Variants in PHF21A observed in about 807,000 individuals in gnomAD.
The protein encoded by PHF21A is PHD finger protein 21A, also known as BHC80a.
PHF21A carries 11 observed loss-of-function variants against 82.5 expected under a neutral mutation model. The observed-to-expected ratio is 0.13, with a 90% CI of 0.08 to 0.22. The LOEUF is 0.22. PHF21A is among the 10% of genes least tolerant of loss of function. PHF21A has a pLI of 1.00. For missense variants in PHF21A, 579 were observed against 837.8 expected, an observed-to-expected ratio of 0.69 and a Z score of 3.81; for synonymous variants, 297 against 302.8, an observed-to-expected ratio of 0.98 and a Z score of 0.20.
At chr11:46,116,284 T>C (rs2097288316) in intron 1 of PHF21A, among the ~76,000 whole-genome samples, 1 of 152,240 alleles carries the variant, frequency 6.6e-6, no homozygotes. Flanking sequence ...TATCCATATA[T>C]ACCTAATACT....
At chr11:46,061,011 T>C (rs1479931296) in intron 6 of PHF21A, among the ~76,000 whole-genome samples, 1 of 152,218 alleles carries the variant, frequency 6.6e-6, no homozygotes, top group Non-Finnish European at 1.5e-5. Flanking sequence ...GGCTACAGTT[T>C]TAATTTTCTG....
At chr11:45,950,153 G>T in intron 12 of PHF21A, 53 bp downstream of exon 12, 1 of 1,346,702 alleles carries the variant, frequency 7.4e-7, no homozygotes, top group Non-Finnish European at 1.0e-6. Flanking sequence ...TCATTTTCAG[G>T]AACAAAGCTG....
intron 6 of PHF21A, among the ~76,000 whole-genome samples, chr11:46,072,926 T>C (rs2096671206): frequency 3.3e-5 from 5 of 152,182 alleles, no homozygotes; most frequent in Admixed American, 3.3e-4. Flanking sequence ...CTAGAGCAAC[T>C]AAGTGCTTTG....
Position 45,934,061 on chromosome 11 carries a change from G to T in PHF21A, c.1953C>A (p.Thr651=), listed in dbSNP as rs750447716. Residue 651 remains threonine, a synonymous_variant, in exon 19 of 19, where the codon ACC becomes ACA. Transcript: ENST00000676320. ...VGAISNGPDC[T]PPANAATSTP... The stretch of plus-strand genomic sequence containing the variant: ...TGGAGGTGGCGGCATTGGCAGGGGG[G>T]GTGCAGTCCGGGCCATTGGAGATGG... The T allele has an allele frequency of 6.8e-6, 11 of 1,613,862 alleles. No homozygotes were observed. Among genetic ancestry groups the T allele is most frequent in the East Asian group, 2.2e-5 (1 of 44,874 alleles).
chr11:46,090,935 C>A (rs1299298754), intron 2 of PHF21A, among the ~76,000 whole-genome samples: 1 of 152,054 alleles, frequency 6.6e-6, no homozygotes, highest in Non-Finnish European at 1.5e-5. Context: ...AAATTTGCAA[C>A]CTCTGGTATA....
At chr11:46,050,274 C>T (rs1353207393) in intron 6 of PHF21A, among the ~76,000 whole-genome samples, 2 of 152,218 alleles carry the variant, frequency 1.3e-5, no homozygotes, top group African/African-American at 4.8e-5. Flanking sequence ...TTCCAGTGTC[C>T]TTGCTCACGG....
intron 6 of PHF21A, among the ~76,000 whole-genome samples, chr11:46,061,327 T>C (rs2139492998): frequency 6.6e-6 from 1 of 152,306 alleles, no homozygotes; most frequent in Non-Finnish European, 1.5e-5. Context: ...TTAAAATAGT[T>C]TTCTCTAGTT....
At chr11:46,007,052 T>C (rs190749414) in intron 6 of PHF21A, among the ~76,000 whole-genome samples, 47 of 152,332 alleles carry the variant, frequency 3.1e-4, no homozygotes, top group Non-Finnish European at 4.4e-5. Flanking sequence ...TTACAGGTGA[T>C]TTCCCATTAC....
intron 14 of PHF21A, among the ~76,000 whole-genome samples, chr11:45,946,684 AT>A (rs1339190788): frequency 6.6e-6 from 1 of 152,084 alleles, no homozygotes; most frequent in East Asian, 1.9e-4. Flanking sequence ...CGAATTTATT[AT>A]TTTTTCATAT....
chr11:45,983,226 CG>C (rs2136374948), intron 6 of PHF21A, among the ~76,000 whole-genome samples: 1 of 151,970 alleles, frequency 6.6e-6, no homozygotes, highest in Non-Finnish European at 1.5e-5. Flanking sequence ...GAAACAAAGC[CG>C]TGGAAGCTTG....
chr11:45,935,489 T>C, intron 18 of PHF21A, 147 bp downstream of exon 18: 1 of 660,138 alleles, frequency 1.5e-6, no homozygotes, highest in South Asian at 1.8e-5. Context: ...TCTAACTGGA[T>C]GGCAAACTGC....
intron 1 of PHF21A, among the ~76,000 whole-genome samples, chr11:46,112,613 C>T (rs1355709390): frequency 6.6e-6 from 1 of 152,124 alleles, no homozygotes; most frequent in Non-Finnish European, 1.5e-5. Context: ...ACACTAAAAC[C>T]ACATTTATTT....
In PHF21A at chr11:45,971,249, G is replaced by T; in HGVS notation, c.479C>A (p.Thr160Asn). ...CACAGCCTTCTGACTGTTGATGGCGGTCACCATAGCAATGGTAGGTCTCTG... is the reference window on the plus strand; with the variant it reads ...CACAGCCTTCTGACTGTTGATGGCGTTCACCATAGCAATGGTAGGTCTCTG... ...VGQRPTIAMVTAINSQKAVLS... is the reference protein window; with the variant it reads ...VGQRPTIAMVNAINSQKAVLS... The change falls in exon 8 of 19, where the codon ACC becomes AAC. Residue 160 changes from threonine (T) to asparagine (N), a missense_variant. Transcript: ENST00000676320. 1 of 1,614,172 alleles carries T rather than the reference G, an allele frequency of 6.2e-7. No individual in the cohort carries two copies. Among genetic ancestry groups the T allele is most frequent in the Non-Finnish European group, 8.5e-7 (1 of 1,180,038 alleles).
chr11:45,954,390 C>A (rs1001148358), intron 10 of PHF21A, among the ~76,000 whole-genome samples: 1 of 152,118 alleles, frequency 6.6e-6, no homozygotes, highest in South Asian at 2.1e-4. Flanking sequence ...TCTCCTATTT[C>A]GGAACAATTC....
chr11:46,056,478 T>C (rs755565783), intron 6 of PHF21A, among the ~76,000 whole-genome samples: 6 of 152,096 alleles, frequency 3.9e-5, no homozygotes, highest in Admixed American at 1.3e-4. Context: ...AATATCACAG[T>C]GAAGATTTTA....
chr11:45,963,941 G>A (rs942955348), intron 10 of PHF21A, among the ~76,000 whole-genome samples: 2 of 152,078 alleles, frequency 1.3e-5, no homozygotes, highest in African/African-American at 4.8e-5. Flanking sequence ...GCTCATGCCT[G>A]TAATCCCACC....
chr11:46,038,347 T>G (rs1383911005), intron 6 of PHF21A, among the ~76,000 whole-genome samples: 6 of 152,040 alleles, frequency 3.9e-5, no homozygotes, highest in African/African-American at 1.4e-4. Flanking sequence ...AGGCTGGTTT[T>G]GAACTCCTGA....
intron 6 of PHF21A, among the ~76,000 whole-genome samples, chr11:46,012,546 C>G (rs2095433226): frequency 6.6e-6 from 1 of 152,196 alleles, no homozygotes; most frequent in South Asian, 2.1e-4. Context: ...TCACGACAGT[C>G]TCTGTTTATT....
intron 1 of PHF21A, among the ~76,000 whole-genome samples, chr11:46,116,073 T>C (rs1189202885): frequency 6.6e-6 from 1 of 152,212 alleles, no homozygotes; most frequent in African/African-American, 2.4e-5. Flanking sequence ...GATAGGCTCA[T>C]AAACACAGGG....
Sources: gnomAD v4.1 joint callset for allele counts (sites outside exome capture counted in the v4.1 genomes callset) on GRCh38, gnomAD v4.1.1 for gene constraint, MANE v1.5 for transcripts, NCBI Gene and HGNC (gene_info 2026-07-23, HGNC 2026-07-21) for gene names.